The following UBL3 variants were observed in gnomAD, a reference collection of about 807,000 sequenced individuals.
The protein encoded by UBL3 is ubiquitin like 3, also known as ubiquitin-like protein 3.
A neutral mutation model predicts 18.4 loss-of-function variants in UBL3; 6 were observed. The ratio of observed to expected loss-of-function variants is 0.33; its 90% CI spans 0.18 to 0.64. The LOEUF (loss-of-function observed/expected upper bound fraction) is 0.64. UBL3 is among the 30% of genes least tolerant of loss of function. The pLI is 0.76. For missense variants in UBL3, 109 were observed against 142.9 expected (o/e 0.76, Z 1.21); for synonymous variants, 49 against 46.6 (o/e 1.05, Z -0.21).
intron 3 of UBL3, among the ~76,000 whole-genome samples, chr13:29,770,093 C>A (rs771457267): frequency 1.3e-5 from 2 of 152,048 alleles, no homozygotes; most frequent in Non-Finnish European, 2.9e-5. Flanking sequence ...ATTCACAGGG[C>A]TATACAGAGC....
chr13:29,811,547 G>A (rs140227148), intron 1 of UBL3, among the ~76,000 whole-genome samples: 1 of 152,032 alleles, frequency 6.6e-6, no homozygotes, highest in Non-Finnish European at 1.5e-5. Flanking sequence ...AGCTGCGGAA[G>A]GAAACTGGTA....
At chr13:29,802,616 G>C (rs781072190) in intron 1 of UBL3, among the ~76,000 whole-genome samples, 47 of 152,188 alleles carry the variant, frequency 3.1e-4, no homozygotes, top group Non-Finnish European at 6.3e-4. Flanking sequence ...TGACCAAACT[G>C]ATCTGATAGA....
chr13:29,825,075 T>C (rs1878581808), intron 1 of UBL3, among the ~76,000 whole-genome samples: 1 of 152,214 alleles, frequency 6.6e-6, no homozygotes, highest in South Asian at 2.1e-4. Context: ...TATCTCTGTT[T>C]TGGAACCACT....
At chr13:29,777,362 T>C in intron 1 of UBL3, 99 bp from the exon 2 acceptor site, 2 of 871,570 alleles carry the variant, frequency 2.3e-6, no homozygotes, top group Non-Finnish European at 3.6e-6. Context: ...CCTAAATTAT[T>C]ACCAATGCCA....
Position 29,765,594 on chromosome 13 carries a change from T to C in UBL3, c.*1661A>G, listed in dbSNP as rs1876655508. ...CAATTATTGACCTAATCAAGACCTT[T>C]AAAATTACCACCAAAATGCACTATC... On this transcript the variant is annotated 3_prime_UTR_variant, in exon 5 of 5. Transcript: ENST00000380680. The C allele has an allele frequency of 6.6e-6, 1 of 152,560 alleles. No individual in the cohort carries two copies. Among genetic ancestry groups the C allele is most frequent in the Admixed American group, 6.5e-5 (1 of 15,268 alleles). 9.5% of individuals were successfully genotyped at this position (152,560 alleles called of 1,614,324 possible). A position where few individuals can be genotyped will look rare whatever the true frequency, so the allele number is the denominator to read the frequency against.
chr13:29,836,444 G>A (rs1057229668), intron 1 of UBL3, among the ~76,000 whole-genome samples: 4 of 151,944 alleles, frequency 2.6e-5, no homozygotes, highest in East Asian at 1.9e-4. Context: ...AGCAATATCA[G>A]ACCAAATTTC....
chr13:29,791,405 T>A (rs747888172), intron 1 of UBL3, among the ~76,000 whole-genome samples: 1 of 152,212 alleles, frequency 6.6e-6, no homozygotes, highest in Non-Finnish European at 1.5e-5. Flanking sequence ...ACAGGTACTG[T>A]TATCTCCGTT....
chr13:29,781,806 C>T (rs891208272), intron 1 of UBL3, among the ~76,000 whole-genome samples: 5 of 134,124 alleles, frequency 3.7e-5, no homozygotes, highest in African/African-American at 1.1e-4. Flanking sequence ...CAACAAATTG[C>T]GACCCTGTCT....
chr13:29,835,157 T>A (rs868417912), intron 1 of UBL3, among the ~76,000 whole-genome samples: 6 of 54,320 alleles, frequency 1.1e-4, no homozygotes, highest in African/African-American at 4.4e-4. Flanking sequence ...TATATATATA[T>A]ATATATATAT....
chr13:29,812,999 T>C (rs927009579), intron 1 of UBL3, among the ~76,000 whole-genome samples: 47 of 152,072 alleles, frequency 3.1e-4, no homozygotes, highest in African/African-American at 1.1e-3. Context: ...CAGTGCTATT[T>C]TCTAAAGAGT....
At chr13:29,783,605 GATAA>G (rs1877234955) in intron 1 of UBL3, among the ~76,000 whole-genome samples, 1 of 152,200 alleles carries the variant, frequency 6.6e-6, no homozygotes, top group African/African-American at 2.4e-5. Flanking sequence ...GGCTTATTCA[GATAA>G]ATAATGTTAA....
At chr13:29,782,766 C>T (rs989719738) in intron 1 of UBL3, among the ~76,000 whole-genome samples, 1 of 152,148 alleles carries the variant, frequency 6.6e-6, no homozygotes, top group Admixed American at 6.5e-5. Context: ...GAGAAAATGA[C>T]AACTGCAACA....
At chr13:29,844,443 C>A (rs1879181808) in intron 1 of UBL3, among the ~76,000 whole-genome samples, 1 of 152,150 alleles carries the variant, frequency 6.6e-6, no homozygotes, top group Admixed American at 6.5e-5. Flanking sequence ...TACCATATTA[C>A]ACAGACAGGT....
At chr13:29,832,047 A>T (rs753144759) in intron 1 of UBL3, among the ~76,000 whole-genome samples, 5 of 152,228 alleles carry the variant, frequency 3.3e-5, no homozygotes, top group African/African-American at 1.2e-4. Flanking sequence ...ACAATAAAGA[A>T]CATTTCCATG....
intron 1 of UBL3, among the ~76,000 whole-genome samples, chr13:29,782,538 C>A (rs757532281): frequency 6.6e-6 from 1 of 152,112 alleles, no homozygotes; most frequent in Admixed American, 6.5e-5. Context: ...GGGTATGAAT[C>A]TTCGGTTTGA....
At chr13:29,816,754 CAAAAAAAAAAAAAAA>C (rs57272367) in intron 1 of UBL3, among the ~76,000 whole-genome samples, 3 of 42,620 alleles carry the variant, frequency 7.0e-5, no homozygotes, top group Non-Finnish European at 1.6e-4. Context: ...GACCCTGTCT[CAAAAAAAAAAAAAAA>C]AAAAAAAAAA....
intron 1 of UBL3, among the ~76,000 whole-genome samples, chr13:29,789,491 T>C (rs1051145553): frequency 1.8e-4 from 28 of 152,224 alleles, no homozygotes; most frequent in Non-Finnish European, 1.0e-4. Flanking sequence ...GTGTTCAAGA[T>C]TGTTCTACTT....
chr13:29,767,576 C>T (rs1484776838), intron 4 of UBL3, 42 bp downstream of exon 4: 1 of 1,598,364 alleles, frequency 6.3e-7, no homozygotes, highest in African/African-American at 1.3e-5. Context: ...GAATGCCTGT[C>T]TTTGTGCCTC....
At chr13:29,781,736 C>T (rs1454274320) in intron 1 of UBL3, among the ~76,000 whole-genome samples, 1 of 149,944 alleles carries the variant, frequency 6.7e-6, no homozygotes, top group East Asian at 2.0e-4. Flanking sequence ...GTAATCTCAG[C>T]ACTTTGGGAG....
Sources: gnomAD v4.1 joint callset for allele counts (sites outside exome capture counted in the v4.1 genomes callset) on GRCh38, gnomAD v4.1.1 for gene constraint, MANE v1.5 for transcripts, NCBI Gene and HGNC (gene_info 2026-07-23, HGNC 2026-07-21) for gene names.